RAI1: variants seen among roughly 807,000 people sequenced by gnomAD.
The protein encoded by RAI1 is retinoic acid induced 1.
Under a neutral mutation model 123.8 loss-of-function variants are expected in RAI1, and 9 were observed. That is an observed-to-expected ratio of 0.07 (90% CI 0.04 to 0.13). The LOEUF is 0.13. Ranked by LOEUF, RAI1 falls within the 10% of genes least tolerant of loss-of-function variation. RAI1 has a pLI of 1.00. For missense variants in RAI1, 2,256 were observed against 2,545.8 expected, an observed-to-expected ratio of 0.89 and a Z score of 2.45; for synonymous variants, 1,231 against 1,127.3, an observed-to-expected ratio of 1.09 and a Z score of -1.84.
chr17:17,695,710 C>T (rs1157393242), intron 1 of RAI1, among the ~76,000 whole-genome samples: 2 of 152,136 alleles, frequency 1.3e-5, no homozygotes. Flanking sequence ...TTAGTAGAGA[C>T]GAGGTTTCAC....
intron 4 of RAI1, among the ~76,000 whole-genome samples, chr17:17,805,815 T>C (rs1489262822): frequency 2.0e-5 from 3 of 152,220 alleles, no homozygotes; most frequent in African/African-American, 7.2e-5. Context: ...TGCCCAGGCA[T>C]GTGGCCGCAC....
At chr17:17,761,855 T>A (rs561012679) in intron 2 of RAI1, among the ~76,000 whole-genome samples, 1 of 150,912 alleles carries the variant, frequency 6.6e-6, no homozygotes, top group South Asian at 2.1e-4. Flanking sequence ...GGGAGAAAGG[T>A]GGTGGTCACT....
intron 2 of RAI1, among the ~76,000 whole-genome samples, chr17:17,783,762 G>T (rs1485345993): frequency 6.6e-6 from 1 of 152,082 alleles, no homozygotes; most frequent in Non-Finnish European, 1.5e-5. Flanking sequence ...CCTCGATGGG[G>T]TGCTGAGGTG....
rs1362317404 is a variant in RAI1 at position 17,810,836 on chromosome 17, A to G, written c.*855A>G. On this transcript the variant is annotated 3_prime_UTR_variant, in exon 6 of 6. Transcript: ENST00000353383. This position sits in a 1 kb window ranked among gnomAD's most constrained non-coding sequence, Gnocchi z 4.6. Reference sequence around the variant, plus strand: ...GGACGCGCGACCGTTGTGCACCACCAGGGACCGCCGCGCCTACTCTGCACG... The same window carrying G: ...GGACGCGCGACCGTTGTGCACCACCGGGGACCGCCGCGCCTACTCTGCACG... The G allele has an allele frequency of 2.2e-6, 1 of 453,604 alleles. No individual in the cohort carries two copies. Among genetic ancestry groups the G allele is most frequent in the Non-Finnish European group, 4.5e-6 (1 of 224,612 alleles). The allele number at this position is 453,604 out of a possible 1,614,324, so 28.1% of individuals were successfully genotyped here. A position where few individuals can be genotyped will look rare whatever the true frequency, so the allele number is the denominator to read the frequency against.
rs374370209 is a variant in RAI1, at chr17:17,796,981, G to T, written c.4033G>T (p.Ala1345Ser). The change falls in exon 3 of 6, where the codon GCA (alanine) becomes TCA (serine). Residue 1345 changes from alanine to serine, a missense_variant. By Grantham distance (99) the Ala-to-Ser change is moderately conservative. Transcript: ENST00000353383. The surrounding 1 kb of genome is among the most constrained non-coding windows in gnomAD (Gnocchi z 5.8). Reference protein sequence around the residue: ...KITSPSLKKFACKAPGASPGN... With the variant: ...KITSPSLKKFSCKAPGASPGN... ...CACCTCGCCCAGCCTCAAGAAGTTC[G>T]CATGTAAAGCGCCAGGGGCCTCTCC... is the stretch of plus-strand genomic sequence containing the variant. The T allele has an allele frequency of 1.7e-5, 28 of 1,613,714 alleles. No individual in the cohort carries two copies. Among genetic ancestry groups the T allele is most frequent in the African/African-American group, 9.3e-5 (7 of 74,934 alleles).
chr17:17,757,603 G>T (rs1011060348), intron 2 of RAI1, among the ~76,000 whole-genome samples: 1 of 151,674 alleles, frequency 6.6e-6, no homozygotes, highest in Non-Finnish European at 1.5e-5. Context: ...GCCTCTTCTC[G>T]GAGGATTTTT....
chr17:17,758,789 G>T (rs2030558372), intron 2 of RAI1, among the ~76,000 whole-genome samples: 1 of 152,194 alleles, frequency 6.6e-6, no homozygotes, highest in Non-Finnish European at 1.5e-5. Context: ...CTGATGCTGG[G>T]CAGGGTTTTG....
At chr17:17,688,707 C>T (rs1226020184) in intron 1 of RAI1, among the ~76,000 whole-genome samples, 6 of 151,360 alleles carry the variant, frequency 4.0e-5, no homozygotes, top group African/African-American at 1.2e-4. Flanking sequence ...GTGATTGATT[C>T]TCCTGCCTCA....
At chr17:17,732,581 T>C (rs1916306164) in intron 2 of RAI1, among the ~76,000 whole-genome samples, 2 of 152,188 alleles carry the variant, frequency 1.3e-5, no homozygotes, top group Non-Finnish European at 2.9e-5. Flanking sequence ...TCATTAATCC[T>C]ACAGGTCCCA....
At chr17:17,695,440 A>G (rs1251862260) in intron 1 of RAI1, among the ~76,000 whole-genome samples, 2 of 151,708 alleles carry the variant, frequency 1.3e-5, no homozygotes, top group Admixed American at 6.5e-5. Flanking sequence ...TTTGCTGCCA[A>G]CACTGCCCTG....
chr17:17,721,810 G>C (rs1915892015), intron 1 of RAI1, among the ~76,000 whole-genome samples: 1 of 152,208 alleles, frequency 6.6e-6, no homozygotes, highest in Non-Finnish European at 1.5e-5. Flanking sequence ...TTTTAAATAT[G>C]GGGAGCCCCG....
chr17:17,811,369 TTTCC>T lies in RAI1; in HGVS notation c.*1391_*1394del, dbSNP rs2032797783. 2 of 239,982 alleles carry T rather than the reference TTTCC, an allele frequency of 8.3e-6. No homozygotes were observed. The highest frequency in any genetic ancestry group is 8.2e-5 in the South Asian group (2 of 24,306). The allele number at this position is 239,982 out of a possible 1,614,324, so 14.9% of individuals were successfully genotyped here. A position where few individuals can be genotyped will look rare whatever the true frequency, so the allele number is the denominator to read the frequency against. ...CGAGCTGTTTCTAAAAGATGTTTAT[TTTCC>T]TTAAGAGTAAAAAACAGTCATTGCA... On this transcript the variant is annotated 3_prime_UTR_variant, in exon 6 of 6. Coordinates refer to ENST00000353383, the MANE Select transcript of RAI1 (RefSeq NM_030665.4).
intron 1 of RAI1, among the ~76,000 whole-genome samples, chr17:17,704,985 C>G (rs1915348403): frequency 6.6e-6 from 1 of 152,206 alleles, no homozygotes; most frequent in Non-Finnish European, 1.5e-5. Context: ...TCACTTTCCT[C>G]TGGTAGACCA....
In RAI1 at chr17:17,798,391, C is replaced by A. The variant is rs1427880966; in HGVS notation, c.5443C>A (p.Pro1815Thr). The change falls in exon 3 of 6, where the codon CCC becomes ACC. Residue 1815 changes from proline (P) to threonine (T), a missense_variant. Physicochemically the swap from Pro to Thr is conservative, Grantham distance 38. Transcript: ENST00000353383. ...GTGCAGCAAGGAGGCTCCGGCAGAG[C>A]CCGGCGGGGAGGCCCAGGAGCACTG... ...HECSKEAPAE[P>T]GGEAQEHWVH... 50 of 1,610,016 alleles carry A rather than the reference C, an allele frequency of 3.1e-5. No individual in the cohort carries two copies. The highest frequency in any genetic ancestry group is 4.2e-5 in the Non-Finnish European group (49 of 1,178,734).
At chr17:17,705,368 G>T (rs748818702) in intron 1 of RAI1, among the ~76,000 whole-genome samples, 8 of 152,122 alleles carry the variant, frequency 5.3e-5, no homozygotes, top group Non-Finnish European at 7.3e-5. Flanking sequence ...AGTGGGTCAC[G>T]CCTGTAATCC....
chr17:17,754,488 G>A (rs961005601), intron 2 of RAI1, among the ~76,000 whole-genome samples: 4 of 152,014 alleles, frequency 2.6e-5, no homozygotes, highest in African/African-American at 7.3e-5. Flanking sequence ...CGCCTGCCTC[G>A]GCCTCCCAAA....
intron 2 of RAI1, among the ~76,000 whole-genome samples, chr17:17,775,692 G>C (rs558987132): frequency 6.6e-6 from 1 of 151,996 alleles, no homozygotes; most frequent in Non-Finnish European, 1.5e-5. Flanking sequence ...CTTCATCCTC[G>C]CCGTCTTTGT....
At chr17:17,739,981 A>G (rs1916568088) in intron 2 of RAI1, among the ~76,000 whole-genome samples, 1 of 152,116 alleles carries the variant, frequency 6.6e-6, no homozygotes, top group Non-Finnish European at 1.5e-5. Flanking sequence ...CCCTCTCCCC[A>G]CTGGGAGTGG....
chr17:17,700,795 C>T (rs1361614603), intron 1 of RAI1, among the ~76,000 whole-genome samples: 2 of 149,990 alleles, frequency 1.3e-5, no homozygotes, highest in African/African-American at 2.5e-5. Flanking sequence ...CCCCGGCGTT[C>T]AACCGCGCCG....
Sources: allele counts gnomAD v4.1 joint callset (sites outside exome capture counted in the v4.1 genomes callset), GRCh38; gene constraint gnomAD v4.1.1; non-coding constraint Gnocchi (gnomAD v3.1); transcripts MANE v1.5; gene names NCBI Gene and HGNC (gene_info 2026-07-23, HGNC 2026-07-21).